ITGA4: variants seen among roughly 807,000 people sequenced by gnomAD.
ITGA4 encodes the protein integrin alpha-4.
In ITGA4, 63 loss-of-function variants were observed where a neutral mutation model predicts 133.6. The ratio of observed to expected loss-of-function variants is 0.47; its 90% CI spans 0.38 to 0.58. The LOEUF is 0.58. Ranked by LOEUF, ITGA4 falls within the 20% of genes least tolerant of loss-of-function variation. The pLI, the probability that ITGA4 is intolerant of heterozygous loss-of-function variation, is 0.00. For synonymous variants in ITGA4, 483 were observed against 438.0 expected (o/e 1.10, Z -1.28); for missense variants, 1,076 against 1,252.7 (o/e 0.86, Z 2.13).
chr2:181,499,307 ATAGCTCTCAT>A (rs1223788619), intron 15 of ITGA4, among the ~76,000 whole-genome samples: 3 of 152,138 alleles, frequency 2.0e-5, no homozygotes, highest in Admixed American at 2.0e-4. Flanking sequence ...GGCCAGGACG[ATAGCTCTCAT>A]GATGGTTTGG....
rs1416379258 is a variant in ITGA4 at position 181,537,412 on chromosome 2, TTGTTATCAACTTACTTTG to T, written c.*1887_*1904del. The T allele has an allele frequency of 2.2e-6, 1 of 453,878 alleles. No homozygotes were observed. The highest frequency in any genetic ancestry group is 4.4e-6 in the Non-Finnish European group (1 of 226,746). 28.1% of individuals were successfully genotyped at this position (453,878 alleles called of 1,614,324 possible). A position where few individuals can be genotyped will look rare whatever the true frequency, so the allele number is the denominator to read the frequency against. On this transcript the variant is annotated 3_prime_UTR_variant, in exon 28 of 28. Transcript: ENST00000397033. ...GATTTTGCCCAGTTCAAAATAGTATTTGTTATCAACTTACTTTGTTACTTGTATCATGAATTTTAAAAC... is the reference window on the plus strand; with the variant it reads ...GATTTTGCCCAGTTCAAAATAGTATTTTACTTGTATCATGAATTTTAAAAC...
rs1559059641 is a variant in ITGA4 at position 181,534,312 on chromosome 2, G to A, written c.2825G>A (p.Gly942Asp). The A allele has an allele frequency of 6.2e-7, 1 of 1,611,806 alleles. No individual in the cohort carries two copies. Among genetic ancestry groups the A allele is most frequent in the Non-Finnish European group, 8.5e-7 (1 of 1,178,140 alleles). Residue 942 changes from glycine (G) to aspartate (D), a missense_variant, in exon 26 of 28, where the codon GGT becomes GAT. Physicochemically the swap from Gly to Asp is moderately conservative, Grantham distance 94. This residue lies in a region of ITGA4 where 193 missense variants were observed against 172.3 expected (regional missense o/e 1.12). Transcript: ENST00000397033. ...SALKFEIRAT[G>D]FPEPNPRVIE... is the part of the protein sequence containing the mutation. ...CTCAAGTTTGAAATAAGAGCAACAG[G>A]TTTTCCAGAGCCAAATCCAAGAGTA...
At chr2:181,529,925 A>G (rs1324150257) in intron 23 of ITGA4, among the ~76,000 whole-genome samples, 1 of 152,230 alleles carries the variant, frequency 6.6e-6, no homozygotes, top group Non-Finnish European at 1.5e-5. Flanking sequence ...TTTAAGATAC[A>G]TTGTTGTGTG....
rs1176269821 is a variant in ITGA4, at chr2:181,537,171, A to AACATCTAGGATCATAGAT, written c.*1645_*1662dup. The AACATCTAGGATCATAGAT allele has an allele frequency of 4.4e-6, 2 of 453,872 alleles. No individual in the cohort carries two copies. Among genetic ancestry groups the AACATCTAGGATCATAGAT allele is most frequent in the African/African-American group, 2.0e-5 (1 of 50,008 alleles). The allele number at this position is 453,872 out of a possible 1,614,324, so 28.1% of individuals were successfully genotyped here. On this transcript the variant is annotated 3_prime_UTR_variant, in exon 28 of 28. Transcript: ENST00000397033. ...AAAAGGCTAGTCATTCTTTCAGGAGAACATCTAGGATCATAGATGAAAAAT... is the reference window on the plus strand; with the variant it reads ...AAAAGGCTAGTCATTCTTTCAGGAGAACATCTAGGATCATAGATACATCTAGGATCATAGATGAAAAAT...
At chr2:181,506,530 C>A (rs1417981927) in intron 15 of ITGA4, among the ~76,000 whole-genome samples, 1 of 151,886 alleles carries the variant, frequency 6.6e-6, no homozygotes, top group African/African-American at 2.4e-5. Context: ...TTGCTTTTAA[C>A]CACTATATAC....
At chr2:181,480,097 G>C (rs1485823456) in intron 5 of ITGA4, 40 bp from the exon 6 acceptor site, 2 of 1,470,476 alleles carry the variant, frequency 1.4e-6, no homozygotes, top group Non-Finnish European at 1.8e-6. Flanking sequence ...GGGGTGGTGA[G>C]ATTAAAGTTT....
At chr2:181,521,343 C>T (rs567113858) in intron 17 of ITGA4, among the ~76,000 whole-genome samples, 36 of 152,252 alleles carry the variant, frequency 2.4e-4, no homozygotes, top group Admixed American at 1.2e-3. Flanking sequence ...AACATTCTAG[C>T]TGTGGCCTTT....
chr2:181,519,948 G>A (rs549564179), intron 17 of ITGA4, among the ~76,000 whole-genome samples: 2 of 152,110 alleles, frequency 1.3e-5, no homozygotes, highest in Admixed American at 6.6e-5. Flanking sequence ...ATACAGACAT[G>A]TACTTACCTG....
At chr2:181,484,821 G>A (rs558079842) in intron 9 of ITGA4, among the ~76,000 whole-genome samples, 1 of 152,272 alleles carries the variant, frequency 6.6e-6, no homozygotes, top group African/African-American at 2.4e-5. Flanking sequence ...CTTTTACAGA[G>A]GAAGTAGTGT....
At chr2:181,508,766 G>A (rs1221390001) in intron 15 of ITGA4, among the ~76,000 whole-genome samples, 1 of 151,908 alleles carries the variant, frequency 6.6e-6, no homozygotes, top group African/African-American at 2.4e-5. Context: ...AGCGACCAGT[G>A]TATACAATTA....
intron 21 of ITGA4, among the ~76,000 whole-genome samples, chr2:181,526,226 G>T (rs3770107): frequency 0.69 from 105,249 of 152,004 alleles, 36,786 homozygotes; most frequent in South Asian, 0.89. Context: ...CTGGTTTTCA[G>T]TGTTTATCTT....
chr2:181,537,716 T>G lies in ITGA4; in HGVS notation c.*2189T>G, dbSNP rs772272934. On this transcript the variant is annotated 3_prime_UTR_variant, in exon 28 of 28. Transcript: ENST00000397033. Reference sequence around the variant, plus strand: ...GTATTATGATGGTTGCAAAGTTTTTTTGTGTGTCCAATAAACACATTGTAA... The same window carrying G: ...GTATTATGATGGTTGCAAAGTTTTTGTGTGTGTCCAATAAACACATTGTAA... 1.1e-4 allele frequency: 48 copies of G among 428,908 alleles called. No homozygotes were observed. The highest frequency in any genetic ancestry group is 8.6e-4 in the African/African-American group (42 of 48,828). 26.6% of individuals were successfully genotyped at this position (428,908 alleles called of 1,614,324 possible).
intron 10 of ITGA4, among the ~76,000 whole-genome samples, chr2:181,486,762 T>C (rs949419748): frequency 1.3e-5 from 2 of 152,192 alleles, no homozygotes; most frequent in Admixed American, 1.3e-4. Context: ...AAATGGTGAA[T>C]AGGTTTAAGA....
chr2:181,487,255 G>C (rs1406337530), intron 10 of ITGA4, among the ~76,000 whole-genome samples: 2 of 152,150 alleles, frequency 1.3e-5, no homozygotes, highest in African/African-American at 4.8e-5. Flanking sequence ...CAGGACCCCA[G>C]GTTGGGCATT....
At chr2:181,479,377 A>G (rs1270025620) in intron 5 of ITGA4, 3 of 152,040 alleles carry the variant, frequency 2.0e-5, no homozygotes, top group African/African-American at 7.2e-5. Flanking sequence ...CTGTGAATTC[A>G]GGAATGTTTT....
intron 21 of ITGA4, among the ~76,000 whole-genome samples, chr2:181,526,418 G>A (rs1454832020): frequency 6.6e-6 from 1 of 152,184 alleles, no homozygotes; most frequent in African/African-American, 2.4e-5. Flanking sequence ...ACCTTATGGA[G>A]TAGAGATCTC....
intron 2 of ITGA4, among the ~76,000 whole-genome samples, chr2:181,462,230 A>G (rs1029408371): frequency 2.6e-5 from 4 of 152,148 alleles, no homozygotes; most frequent in Admixed American, 6.5e-5. Context: ...TAAGTGTTCT[A>G]TAGTTACTGG....
At chr2:181,511,817 G>C in intron 17 of ITGA4, 42 bp downstream of exon 17, 1 of 932,510 alleles carries the variant, frequency 1.1e-6, no homozygotes, top group Non-Finnish European at 1.7e-6. Flanking sequence ...TCATCGAGAG[G>C]GTGTAATGAG....
At chr2:181,502,502 G>A (rs1352490313) in intron 15 of ITGA4, among the ~76,000 whole-genome samples, 1 of 152,140 alleles carries the variant, frequency 6.6e-6, no homozygotes, top group Non-Finnish European at 1.5e-5. Context: ...AGGATTAAAT[G>A]TACAAGTGAA....
Sources: allele counts gnomAD v4.1 joint callset (sites outside exome capture counted in the v4.1 genomes callset), GRCh38; gene constraint gnomAD v4.1.1; regional missense constraint gnomAD v4.1.1; transcripts MANE v1.5; gene names NCBI Gene and HGNC (gene_info 2026-07-23, HGNC 2026-07-21).